Variants in HGFAC observed in about 807,000 individuals in gnomAD.
HGFAC encodes the protein HGF activator.
Under a neutral mutation model 70.6 loss-of-function variants are expected in HGFAC, and 76 were observed. The observed-to-expected ratio is 1.08, with a 90% CI of 0.89 to 1.30. HGFAC has a LOEUF of 1.30. Among genes scored for constraint, HGFAC ranks in the 50% most tolerant of loss-of-function variants. HGFAC has a pLI of 0.00. For synonymous variants in HGFAC, 464 were observed against 405.3 expected (o/e 1.14, Z -1.74); for missense variants, 1,044 against 933.7 (o/e 1.12, Z -1.54).
Position 3,447,039 on chromosome 4 carries a change from G to A in HGFAC, c.1356-453G>A, listed in dbSNP as rs142507899. ...GCAGGAGGCCGAGGCAGGGTGGAGC[G>A]ACCTCCACACAGCAGATGGGAGCCA... On this transcript the variant is annotated intron_variant, in intron 10 of 13. Coordinates refer to ENST00000382774, the MANE Select transcript of HGFAC (RefSeq NM_001528.4). Among the ~76,000 whole-genome samples the A allele has an allele frequency of 8.6e-3, 1,317 of 152,316 alleles. 18 individuals are homozygous for A. The highest frequency in any genetic ancestry group is 0.029 in the African/African-American group (1,218 of 41,568).
intron 4 of HGFAC, among the ~76,000 whole-genome samples, 199 bp downstream of exon 4, chr4:3,443,619 C>T (rs892038029): frequency 1.3e-5 from 2 of 152,180 alleles, no homozygotes; most frequent in Non-Finnish European, 2.9e-5. Context: ...GGTGGCTGCG[C>T]GGCCATCGCT....
rs757450283 is a variant in HGFAC, at chr4:3,443,035, AC to A, written c.299-10del. On this transcript the variant is annotated splice_polypyrimidine_tract_variant and intron_variant, in intron 2 of 13. Coordinates refer to ENST00000382774, the MANE Select transcript of HGFAC (RefSeq NM_001528.4). ...CCCTCGAGGGAGCCCTGACCCTGCC[AC>A]CCCCTCCCCACAGCACTCACCGAGG... is the stretch of plus-strand genomic sequence containing the variant. 7 of 1,583,126 alleles carry A rather than the reference AC, an allele frequency of 4.4e-6. No homozygotes were observed. Among genetic ancestry groups the A allele is most frequent in the East Asian group, 4.5e-5 (2 of 44,238 alleles).
At chr4:3,447,402 G>T in intron 10 of HGFAC, 90 bp from the exon 11 acceptor site, 1 of 1,465,762 alleles carries the variant, frequency 6.8e-7, no homozygotes, top group Non-Finnish European at 9.5e-7. Context: ...CACACCATTG[G>T]CCTCCGTGGG....
chr4:3,444,026 C>A lies in HGFAC; in HGVS notation c.476-13C>A. ...CCAGTCCGCCCCTCACACCCCCTCC[C>A]GCATGTCCCCAGCTGCCCTGGATCC... On this transcript the variant is annotated splice_polypyrimidine_tract_variant and intron_variant, in intron 4 of 13. Transcript: ENST00000382774. 6.4e-7 allele frequency: 1 copy of A among 1,572,974 alleles called. No individual in the cohort carries two copies. The highest frequency in any genetic ancestry group is 8.6e-7 in the Non-Finnish European group (1 of 1,164,240).
At position 3,444,169 on chromosome 4, in the gene HGFAC, G is replaced by A. The variant is rs753274559; in HGVS notation, c.598+8G>A. On this transcript the variant is annotated splice_region_variant and intron_variant, in intron 5 of 13. Coordinates refer to ENST00000382774, the MANE Select transcript of HGFAC (RefSeq NM_001528.4). ...GCAAGGACTGCGGCACAGGTGAGCT[G>A]GGCCTCGGAGGTCCGCAGGGGTCCA... 1 of 1,591,372 alleles carries A rather than the reference G, an allele frequency of 6.3e-7. No homozygotes were observed. Among genetic ancestry groups the A allele is most frequent in the African/African-American group, 1.3e-5 (1 of 74,494 alleles).
In HGFAC at chr4:3,443,042, C is replaced by T; in HGVS notation, c.299-8C>T. 1 of 1,593,530 alleles carries T rather than the reference C, an allele frequency of 6.3e-7. No individual in the cohort carries two copies. Among genetic ancestry groups the T allele is most frequent in the Non-Finnish European group, 8.5e-7 (1 of 1,174,638 alleles). On this transcript the variant is annotated splice_polypyrimidine_tract_variant and splice_region_variant and intron_variant, in intron 2 of 13. Coordinates refer to ENST00000382774, the MANE Select transcript of HGFAC (RefSeq NM_001528.4). ...GGGAGCCCTGACCCTGCCACCCCCT[C>T]CCCACAGCACTCACCGAGGACGGGA...
chr4:3,449,117 G>A, intron 13 of HGFAC, 120 bp from the exon 14 acceptor site: 1 of 880,586 alleles, frequency 1.1e-6, no homozygotes, highest in Non-Finnish European at 1.8e-6. Context: ...TCAGGAGAGT[G>A]GATCAGCTCC....
intron 12 of HGFAC, 36 bp downstream of exon 12, chr4:3,448,071 G>C: frequency 6.4e-7 from 1 of 1,558,698 alleles, no homozygotes; most frequent in Non-Finnish European, 8.7e-7. Context: ...GCCCCGCCAG[G>C]GTGGACAGTG....
intron 6 of HGFAC, 70 bp from the exon 7 acceptor site, chr4:3,444,553 C>T (rs1725429757): frequency 1.3e-6 from 2 of 1,502,866 alleles, no homozygotes; most frequent in South Asian, 2.5e-5. Flanking sequence ...AAGGGGTGGA[C>T]CCCGGCCCCG....
chr4:3,448,264 C>G lies in HGFAC; in HGVS notation c.1773C>G (p.Ser591=), dbSNP rs201004296. The change falls in exon 13 of 14, where the codon TCC becomes TCG. Residue 591 remains serine, a synonymous_variant. Coordinates refer to ENST00000382774, the MANE Select transcript of HGFAC (RefSeq NM_001528.4). ...MLCAGYFDCK[S]DACQGDSGGP... ...GTGCCGGCTACTTCGACTGCAAGTC[C>G]GACGCCTGCCAGGTGAGCTGGTGCC... 1.5e-5 allele frequency: 24 copies of G among 1,605,448 alleles called. No individual in the cohort carries two copies. Among genetic ancestry groups the G allele is most frequent in the East Asian group, 6.7e-5 (3 of 44,852 alleles).
At chr4:3,448,338 C>T (rs558997178) in intron 13 of HGFAC, 62 bp downstream of exon 13, 22 of 1,552,878 alleles carry the variant, frequency 1.4e-5, no homozygotes, top group African/African-American at 6.8e-5. Flanking sequence ...CCTGAGTCTC[C>T]GAGATGCTTG....
rs1560192817 is a variant in HGFAC at position 3,444,922 on chromosome 4, C to G, written c.945C>G (p.Leu315=). The G allele has an allele frequency of 6.2e-7, 1 of 1,609,458 alleles. No homozygotes were observed. The highest frequency in any genetic ancestry group is 8.5e-7 in the Non-Finnish European group (1 of 1,178,764). The stretch of plus-strand genomic sequence containing the variant: ...GCCTGGCCTGGAACTCCGATCTGCT[C>G]TACCAGGAGCTGCACGTGGACTCCG... The part of the protein sequence containing the change: ...LSCLAWNSDL[L]YQELHVDSVG... The change falls in exon 8 of 14, where the codon CTC becomes CTG. Residue 315 remains leucine (L), a synonymous_variant. Transcript: ENST00000382774.
At chr4:3,447,674 C>A in intron 11 of HGFAC, 43 bp downstream of exon 11, 1 of 1,608,092 alleles carries the variant, frequency 6.2e-7, no homozygotes, top group Admixed American at 1.7e-5. Flanking sequence ...GCAGGTGGGC[C>A]CTGTGCTCCC....
rs547774238 is a variant in HGFAC at position 3,446,255 on chromosome 4, C to G, written c.1316C>G (p.Thr439Ser). ...TTCTGCGCCGGGAGCCTGGTCCACA[C>G]CTGCTGGGTGGTGTCGGCCGCCCAC... ...DSFCAGSLVHTCWVVSAAHCF... is the reference protein window; with the variant it reads ...DSFCAGSLVHSCWVVSAAHCF... Residue 439 changes from threonine (T) to serine (S), a missense_variant, in exon 10 of 14, where the codon ACC becomes AGC. Transcript: ENST00000382774. 5 of 1,610,010 alleles carry G rather than the reference C, an allele frequency of 3.1e-6. No individual in the cohort carries two copies. In the East Asian group the frequency reaches 1.1e-4, roughly 36 times the overall value.
Position 3,443,063 on chromosome 4 carries a change from C to A in HGFAC, c.312C>A (p.Asp104Glu). 1 of 1,598,926 alleles carries A rather than the reference C, an allele frequency of 6.3e-7. No individual in the cohort carries two copies. The highest frequency in any genetic ancestry group is 8.5e-7 in the Non-Finnish European group (1 of 1,178,310). Residue 104 changes from aspartate to glutamate, a missense_variant, in exon 3 of 14, where the codon GAC becomes GAA. Transcript: ENST00000382774. The part of the protein sequence containing the change: ...SSPQAQALTE[D>E]GRPCRFPFRY... ...CCCTCCCCACAGCACTCACCGAGGA[C>A]GGGAGGCCCTGCAGGTTCCCCTTCC...
At position 3,446,171 on chromosome 4, in the gene HGFAC, GCTC is replaced by G. The variant is rs775941283; in HGVS notation, c.1239_1241del (p.Ser414del). Reference sequence around the variant, plus strand: ...TTCCTGCGGCCACGTATCATCGGCGGCTCCTCCTCGCTGCCCGGCTCGCACCCC... The same window carrying G: ...TTCCTGCGGCCACGTATCATCGGCGGCTCCTCGCTGCCCGGCTCGCACCCC... On this transcript the variant is annotated inframe_deletion, in exon 10 of 14. Coordinates refer to ENST00000382774, the MANE Select transcript of HGFAC (RefSeq NM_001528.4). The G allele has an allele frequency of 9.3e-6, 15 of 1,610,734 alleles. No homozygotes were observed. The highest frequency in any genetic ancestry group is 4.0e-5 in the African/African-American group (3 of 74,892).
Position 3,443,070 on chromosome 4 carries a change from C to A in HGFAC, c.319C>A (p.Pro107Thr). ...CACAGCACTCACCGAGGACGGGAGG[C>A]CCTGCAGGTTCCCCTTCCGCTACGG... is the stretch of plus-strand genomic sequence containing the variant. ...QAQALTEDGRPCRFPFRYGGR... is the reference protein window; with the variant it reads ...QAQALTEDGRTCRFPFRYGGR... Residue 107 changes from proline to threonine, a missense_variant, in exon 3 of 14, where the codon CCC becomes ACC. Pro to Thr is a conservative substitution (Grantham distance 38). Coordinates refer to ENST00000382774, the MANE Select transcript of HGFAC (RefSeq NM_001528.4). 6.3e-7 allele frequency: 1 copy of A among 1,599,168 alleles called. No individual in the cohort carries two copies. The highest frequency in any genetic ancestry group is 8.5e-7 in the Non-Finnish European group (1 of 1,178,554).
Position 3,445,319 on chromosome 4 carries a change from C to A in HGFAC, c.1071C>A (p.Leu357=). The change falls in exon 9 of 14, where the codon CTC becomes CTA. Residue 357 remains leucine, a synonymous_variant. Transcript: ENST00000382774. ...PWCYVVKDSA[L]SWEYCRLEAC... ...GCTACGTGGTGAAGGACAGCGCGCTCTCCTGGGAGTACTGCCGCCTGGAGG... is the reference window on the plus strand; with the variant it reads ...GCTACGTGGTGAAGGACAGCGCGCTATCCTGGGAGTACTGCCGCCTGGAGG... The A allele has an allele frequency of 6.3e-7, 1 of 1,587,476 alleles. No individual in the cohort carries two copies. The highest frequency in any genetic ancestry group is 8.6e-7 in the Non-Finnish European group (1 of 1,167,940).
Position 3,444,300 on chromosome 4 carries a change from GC to G in HGFAC, c.599-10del. 6.3e-7 allele frequency: 1 copy of G among 1,582,288 alleles called. No homozygotes were observed. The highest frequency in any genetic ancestry group is 1.7e-4 in the Middle Eastern group (1 of 6,018). On this transcript the variant is annotated splice_polypyrimidine_tract_variant and intron_variant, in intron 5 of 13. Coordinates refer to ENST00000382774, the MANE Select transcript of HGFAC (RefSeq NM_001528.4). ...GTGGCAGGGTGTGAGGGCTTACTGT[GC>G]ACCCCTCAGAGAAATGCTTTGATGA...
Sources: allele counts gnomAD v4.1 joint callset (sites outside exome capture counted in the v4.1 genomes callset), GRCh38; gene constraint gnomAD v4.1.1; transcripts MANE v1.5; gene names NCBI Gene and HGNC (gene_info 2026-07-23, HGNC 2026-07-21).